Variants in LTBP1 observed in about 807,000 individuals in gnomAD.
The protein encoded by LTBP1 is latent transforming growth factor beta binding protein 1.
A neutral mutation model predicts 207.6 loss-of-function variants in LTBP1; 129 were observed. The observed-to-expected ratio is 0.62, with a 90% CI of 0.54 to 0.72. The LOEUF is 0.72. Ranked by LOEUF, LTBP1 falls within the 30% of genes least tolerant of loss-of-function variation. The pLI is 0.00. For missense variants in LTBP1, 2,281 were observed against 2,217.2 expected, an observed-to-expected ratio of 1.03 and a Z score of -0.58; for synonymous variants, 963 against 833.7, an observed-to-expected ratio of 1.16 and a Z score of -2.67.
At chr2:33,369,682 C>A (rs999130124) in intron 31 of LTBP1, among the ~76,000 whole-genome samples, 2 of 152,104 alleles carry the variant, frequency 1.3e-5, no homozygotes, top group Admixed American at 1.3e-4. Flanking sequence ...CTATTACAGG[C>A]GCGCACCACC....
At chr2:33,273,435 T>C (rs986104947) in intron 15 of LTBP1, among the ~76,000 whole-genome samples, 4 of 152,124 alleles carry the variant, frequency 2.6e-5, no homozygotes, top group African/African-American at 7.3e-5. Flanking sequence ...TAAAAATGGC[T>C]TTACTAGGAA....
At chr2:33,017,016 C>T (rs1339823445) in intron 2 of LTBP1, among the ~76,000 whole-genome samples, 1 of 151,844 alleles carries the variant, frequency 6.6e-6, no homozygotes, top group African/African-American at 2.4e-5. Flanking sequence ...GACTATGTCT[C>T]AAAAAATAAA....
chr2:33,090,472 C>A (rs2079015180), intron 3 of LTBP1, among the ~76,000 whole-genome samples: 1 of 152,148 alleles, frequency 6.6e-6, no homozygotes, highest in African/African-American at 2.4e-5. Context: ...AAATTGATGA[C>A]ATTTACTGAA....
intron 7 of LTBP1, among the ~76,000 whole-genome samples, chr2:33,194,529 C>G (rs529773799): frequency 2.0e-5 from 3 of 152,200 alleles, no homozygotes; most frequent in Non-Finnish European, 4.4e-5. Context: ...CCACAACATT[C>G]TCTTCAGCCA....
chr2:33,295,452 G>A (rs928979777), intron 20 of LTBP1, among the ~76,000 whole-genome samples: 6 of 152,124 alleles, frequency 3.9e-5, no homozygotes, highest in South Asian at 2.1e-4. Flanking sequence ...ACTTGAACCC[G>A]AGAAGCAGAG....
chr2:32,980,568 G>C (rs1682606247), intron 2 of LTBP1, among the ~76,000 whole-genome samples: 1 of 152,060 alleles, frequency 6.6e-6, no homozygotes, highest in East Asian at 1.9e-4. Context: ...AAAAGTTGTA[G>C]TTATTATTTT....
intron 31 of LTBP1, among the ~76,000 whole-genome samples, chr2:33,386,579 C>G (rs1016635749): frequency 2.0e-5 from 3 of 152,182 alleles, no homozygotes; most frequent in Admixed American, 6.5e-5. Flanking sequence ...AATCCCAGCA[C>G]TTAGGGAGGC....
intron 2 of LTBP1, among the ~76,000 whole-genome samples, chr2:32,965,830 T>G (rs1476464836): frequency 6.6e-6 from 1 of 152,240 alleles, no homozygotes; most frequent in Non-Finnish European, 1.5e-5. Context: ...TCAACACTTT[T>G]GTGTAAATAC....
intron 25 of LTBP1, among the ~76,000 whole-genome samples, 155 bp from the exon 26 acceptor site, chr2:33,347,212 A>G (rs1297792084): frequency 6.6e-6 from 1 of 152,038 alleles, no homozygotes; most frequent in Non-Finnish European, 1.5e-5. Context: ...TCTACCTTAA[A>G]GAGCCCCTTC....
At chr2:33,199,596 T>A (rs1245232241) in intron 7 of LTBP1, among the ~76,000 whole-genome samples, 3 of 152,164 alleles carry the variant, frequency 2.0e-5, no homozygotes, top group Admixed American at 6.6e-5. Flanking sequence ...ACCATTCCTA[T>A]TCAACATAGT....
At chr2:33,262,148 C>G (rs1373345594) in intron 13 of LTBP1, among the ~76,000 whole-genome samples, 3 of 152,226 alleles carry the variant, frequency 2.0e-5, no homozygotes, top group Non-Finnish European at 2.9e-5. Flanking sequence ...CAAGCCAGCA[C>G]ATTTCTGTTG....
chr2:33,033,598 T>TG (rs1204197585), intron 3 of LTBP1, among the ~76,000 whole-genome samples: 2 of 147,404 alleles, frequency 1.4e-5, no homozygotes, highest in African/African-American at 2.5e-5. Context: ...CTGACTATGG[T>TG]GGGGGAAAAA....
intron 3 of LTBP1, among the ~76,000 whole-genome samples, chr2:33,028,169 C>G (rs4621203): frequency 0.039 from 5,981 of 152,266 alleles, 198 homozygotes; most frequent in Non-Finnish European, 0.066. Context: ...CCTCACACTT[C>G]TGCTCACACC....
intron 26 of LTBP1, among the ~76,000 whole-genome samples, chr2:33,353,810 T>C (rs2094816117): frequency 6.6e-6 from 1 of 151,308 alleles, no homozygotes; most frequent in Non-Finnish European, 1.5e-5. Flanking sequence ...TCAAATAGCA[T>C]CCCTGTTCCC....
intron 5 of LTBP1, among the ~76,000 whole-genome samples, chr2:33,148,095 C>A (rs1176487730): frequency 6.6e-6 from 1 of 152,180 alleles, no homozygotes; most frequent in Non-Finnish European, 1.5e-5. Context: ...GTGGTCTTAT[C>A]TGCAAGGATG....
At chr2:33,045,474 G>C (rs558955524) in intron 3 of LTBP1, among the ~76,000 whole-genome samples, 2 of 152,108 alleles carry the variant, frequency 1.3e-5, no homozygotes, top group African/African-American at 4.8e-5. Flanking sequence ...TGGTCTGTAT[G>C]TCTGTTTTGG....
rs141060681 is a variant in LTBP1, at chr2:33,257,489, G to T, written c.2373G>T (p.Gly791=). The T allele has an allele frequency of 3.1e-6, 5 of 1,614,122 alleles. No homozygotes were observed. In the African/African-American group the frequency reaches 6.7e-5, roughly 22 times the overall value. Residue 791 remains glycine (G), a synonymous_variant, in exon 12 of 34, where the codon GGG becomes GGT. Transcript: ENST00000404816. ...VEALTFSREH[G]PGVAEPEVAT... is the part of the protein sequence containing the mutation. ...CCCTGACCTTCTCCCGGGAACACGG[G>T]CCAGGAGTGGCGGAGCCAGAAGGTG...
intron 5 of LTBP1, among the ~76,000 whole-genome samples, chr2:33,148,964 C>G (rs1458198874): frequency 6.6e-6 from 1 of 151,998 alleles, no homozygotes. Flanking sequence ...CCTGTAATCC[C>G]AGCACTTTGG....
intron 3 of LTBP1, among the ~76,000 whole-genome samples, chr2:33,033,752 G>A (rs2075792998): frequency 6.6e-6 from 1 of 152,012 alleles, no homozygotes; most frequent in South Asian, 2.1e-4. Context: ...AGAAAATAGT[G>A]CAACATTATG....
Sources: gnomAD v4.1 joint callset for allele counts (sites outside exome capture counted in the v4.1 genomes callset) on GRCh38, gnomAD v4.1.1 for gene constraint, MANE v1.5 for transcripts, NCBI Gene and HGNC (gene_info 2026-07-23, HGNC 2026-07-21) for gene names.